Variants in FMN2 observed in about 807,000 individuals in gnomAD.
The protein encoded by FMN2 is formin 2.
In FMN2, 51 loss-of-function variants were observed where a neutral mutation model predicts 142.3. The ratio of observed to expected loss-of-function variants is 0.36; its 90% confidence interval spans 0.29 to 0.45. The LOEUF is 0.45. Among genes scored for constraint, FMN2 ranks in the 20% least tolerant of loss-of-function variants. The probability of loss-of-function intolerance (pLI) is 1.00; values close to 1 mark genes in which losing one functional copy is unlikely to be tolerated. For missense variants in FMN2, 1,936 were observed against 2,122.8 expected (o/e 0.91, Z 1.73); for synonymous variants, 882 against 869.8 (o/e 1.01, Z -0.25).
intron 2 of FMN2, among the ~76,000 whole-genome samples, chr1:240,123,947 T>C (rs1662398203): frequency 6.6e-6 from 1 of 152,248 alleles, no homozygotes; most frequent in African/African-American, 2.4e-5. Flanking sequence ...GGCTGACTTA[T>C]TTCACTTAGC....
intron 14 of FMN2, among the ~76,000 whole-genome samples, chr1:240,360,235 G>T (rs185005308): frequency 5.9e-5 from 9 of 151,938 alleles, no homozygotes; most frequent in African/African-American, 2.2e-4. Context: ...TCCATTTACC[G>T]ATGACTCTAA....
rs888747201 is a variant in FMN2, at chr1:240,257,870, G to T, written c.4066-75G>T. On this transcript the variant is annotated intron_variant, in intron 6 of 17. Coordinates refer to ENST00000319653, the MANE Select transcript of FMN2 (RefSeq NM_020066.5). ...TTTCTCTGAATTTGTTCTTCATTTA[G>T]GATTTTTTAAAATGCTAGTAAGCAT... The T allele has an allele frequency of 3.1e-5, 37 of 1,211,760 alleles. No homozygotes were observed. In the African/African-American group the frequency reaches 5.6e-4, roughly 18 times the overall value. The allele number at this position is 1,211,760 out of a possible 1,614,324, so 75.1% of individuals were successfully genotyped here.
chr1:240,324,659 A>G (rs1671094088), intron 8 of FMN2, among the ~76,000 whole-genome samples: 1 of 136,950 alleles, frequency 7.3e-6, no homozygotes, highest in African/African-American at 2.7e-5. Flanking sequence ...ACAGAGTGAG[A>G]CCCTGTCGAA....
rs553097989 is a variant in FMN2 at position 240,207,837 on chromosome 1, C to T, written c.3025C>T (p.Pro1009Ser). ...GCCCCCACTTCCCGGAGCGGGCATACCCCCTCCTCCCCCTCTTCCCGGAGC... is the reference window on the plus strand; with the variant it reads ...GCCCCCACTTCCCGGAGCGGGCATATCCCCTCCTCCCCCTCTTCCCGGAGC... ...PPPPLPGAGI[P>S]PPPPLPGAGI... Residue 1009 changes from proline (P) to serine (S), a missense_variant, in exon 5 of 18, where the codon CCC (proline) becomes TCC (serine). Around this residue, in one of 8 missense-constraint regions of FMN2, gnomAD observed 63 missense variants for 86.3 expected, o/e 0.73. Coordinates refer to ENST00000319653, the MANE Select transcript of FMN2 (RefSeq NM_020066.5). 12 of 353,948 alleles carry T rather than the reference C, an allele frequency of 3.4e-5. No individual in the cohort carries two copies. Among genetic ancestry groups the T allele is most frequent in the Non-Finnish European group, 9.8e-6 (2 of 203,452 alleles). 21.9% of individuals were successfully genotyped at this position (353,948 alleles called of 1,614,324 possible).
At chr1:240,303,212 G>C (rs1670264936) in intron 8 of FMN2, among the ~76,000 whole-genome samples, 1 of 152,140 alleles carries the variant, frequency 6.6e-6, no homozygotes, top group Admixed American at 6.5e-5. Context: ...CGTCAAGTGA[G>C]AGAGACTGAT....
Position 240,334,112 on chromosome 1 carries a change from G to A in FMN2, c.4648G>A (p.Ala1550Thr), listed in dbSNP as rs1190050762. The change falls in exon 13 of 18, where the codon GCT becomes ACT. Residue 1550 changes from alanine to threonine, a missense_variant. Ala to Thr is a moderately conservative substitution (Grantham distance 58). Transcript: ENST00000319653. ...SYYLRNFDED[A>T]GKEQCLFPLP... Reference sequence around the variant, plus strand: ...GATGGGGTTTTTTGTTCATTAGGATGCTGGAAAAGAACAGTGCCTCTTTCC... The same window carrying A: ...GATGGGGTTTTTTGTTCATTAGGATACTGGAAAAGAACAGTGCCTCTTTCC... The A allele has an allele frequency of 3.8e-6, 6 of 1,593,056 alleles. No homozygotes were observed. The highest frequency in any genetic ancestry group is 1.7e-6 in the Non-Finnish European group (2 of 1,174,658).
At chr1:240,395,612 A>G (rs1390996277) in intron 15 of FMN2, among the ~76,000 whole-genome samples, 6 of 152,222 alleles carry the variant, frequency 3.9e-5, no homozygotes, top group Non-Finnish European at 1.5e-5. Context: ...GAGGATTCCA[A>G]GACATCAGTG....
chr1:240,331,936 C>T (rs779089233), intron 11 of FMN2, among the ~76,000 whole-genome samples: 6 of 152,140 alleles, frequency 3.9e-5, no homozygotes, highest in Non-Finnish European at 7.4e-5. Flanking sequence ...TATGGGTACT[C>T]GCAGTACAGT....
chr1:240,314,367 G>A (rs1264242768), intron 8 of FMN2, among the ~76,000 whole-genome samples: 6 of 152,096 alleles, frequency 3.9e-5, no homozygotes, highest in Non-Finnish European at 7.4e-5. Flanking sequence ...GCTGTATTAC[G>A]TCTATGCCAG....
intron 2 of FMN2, chr1:240,144,671 C>T: frequency 7.7e-7 from 1 of 1,292,978 alleles, no homozygotes; most frequent in Non-Finnish European, 1.1e-6. Context: ...ATAATTCACA[C>T]AACTGGTGAG....
intron 1 of FMN2, 89 bp downstream of exon 1, chr1:240,093,813 A>G: frequency 1.0e-6 from 1 of 960,482 alleles, no homozygotes; most frequent in African/African-American, 1.7e-5. Context: ...GGGCTCTGGA[A>G]GGCGGTGACC....
At chr1:240,458,958 A>C (rs1676346356) in intron 16 of FMN2, 1 of 152,190 alleles carries the variant, frequency 6.6e-6, no homozygotes, top group Admixed American at 6.5e-5. Flanking sequence ...TGAAAATCCA[A>C]GTCTGACATG....
At chr1:240,143,431 C>G (rs944794075) in intron 2 of FMN2, 2 of 1,441,102 alleles carry the variant, frequency 1.4e-6, no homozygotes, top group African/African-American at 1.4e-5. Flanking sequence ...AACAGCCACT[C>G]CCTGATGTGC....
At chr1:240,263,591 TAG>T (rs1324411959) in intron 7 of FMN2, among the ~76,000 whole-genome samples, 8 of 152,172 alleles carry the variant, frequency 5.3e-5, no homozygotes, top group Non-Finnish European at 7.4e-5. Context: ...TTGATTTAGA[TAG>T]AGATAGCTGA....
intron 16 of FMN2, chr1:240,458,664 G>GT (rs1206957646): frequency 6.6e-6 from 1 of 152,178 alleles, no homozygotes; most frequent in Non-Finnish European, 1.5e-5. Context: ...GGTGGAAATA[G>GT]TAAAAGGATG....
At chr1:240,401,341 A>G (rs1673982603) in intron 15 of FMN2, among the ~76,000 whole-genome samples, 1 of 152,154 alleles carries the variant, frequency 6.6e-6, no homozygotes, top group Non-Finnish European at 1.5e-5. Flanking sequence ...CACAAACCAG[A>G]TGAAATTCAC....
At chr1:240,380,348 A>G (rs1673183319) in intron 14 of FMN2, among the ~76,000 whole-genome samples, 1 of 152,152 alleles carries the variant, frequency 6.6e-6, no homozygotes, top group African/African-American at 2.4e-5. Context: ...AAACTACACA[A>G]GCATGTGGAA....
chr1:240,361,133 AT>A (rs1672453257), intron 14 of FMN2, among the ~76,000 whole-genome samples: 2 of 17,254 alleles, frequency 1.2e-4, no homozygotes, highest in Non-Finnish European at 1.6e-4. Flanking sequence ...TAATAAATAA[AT>A]ATATGTGTAT....
intron 6 of FMN2, among the ~76,000 whole-genome samples, chr1:240,229,792 A>G (rs1158739824): frequency 2.5e-5 from 2 of 81,276 alleles, no homozygotes; most frequent in African/African-American, 1.4e-4. Context: ...GATTACAGGC[A>G]TGCACCACCA....
Sources: gnomAD v4.1 joint callset for allele counts (sites outside exome capture counted in the v4.1 genomes callset) on GRCh38, gnomAD v4.1.1 for gene constraint, gnomAD v4.1.1 regional missense constraint, MANE v1.5 for transcripts, NCBI Gene and HGNC (gene_info 2026-07-23, HGNC 2026-07-21) for gene names.